Variants in MAGI2 observed in about 807,000 individuals in gnomAD.
The protein encoded by MAGI2 is membrane-associated guanylate kinase, WW and PDZ domain-containing protein 2.
In MAGI2, 35 loss-of-function variants were observed where a neutral mutation model predicts 133.3. That is an observed-to-expected ratio of 0.26 (90% confidence interval 0.20 to 0.35). The LOEUF (loss-of-function observed/expected upper bound fraction) is 0.35. MAGI2 is among the 10% of genes least tolerant of loss of function. The pLI is 1.00. For missense variants in MAGI2, 1,636 were observed against 1,863.4 expected (o/e 0.88, Z 2.25); for synonymous variants, 729 against 710.6 (o/e 1.03, Z -0.41).
chr7:78,298,232 G>A (rs1797485140), intron 9 of MAGI2, among the ~76,000 whole-genome samples: 1 of 152,044 alleles, frequency 6.6e-6, no homozygotes. Context: ...AACAAGAAAA[G>A]TCTAAAAAAC....
chr7:78,630,307 C>T (rs1584902597), intron 2 of MAGI2, among the ~76,000 whole-genome samples: 1 of 151,852 alleles, frequency 6.6e-6, no homozygotes, highest in Admixed American at 6.6e-5. Context: ...TTCCATTCTT[C>T]TAACGGAACA....
At chr7:78,673,160 T>C (rs1183832292) in intron 2 of MAGI2, among the ~76,000 whole-genome samples, 1 of 152,212 alleles carries the variant, frequency 6.6e-6, no homozygotes, top group African/African-American at 2.4e-5. Flanking sequence ...TCAGCATCTT[T>C]ATAATTGGTG....
At chr7:78,761,229 C>T (rs779011349) in intron 2 of MAGI2, among the ~76,000 whole-genome samples, 1 of 152,178 alleles carries the variant, frequency 6.6e-6, no homozygotes, top group Non-Finnish European at 1.5e-5. Context: ...AGCGTCATTT[C>T]CCTCTCTTTC....
chr7:78,174,909 C>T (rs967047286), intron 14 of MAGI2, among the ~76,000 whole-genome samples: 1 of 152,174 alleles, frequency 6.6e-6, no homozygotes, highest in Non-Finnish European at 1.5e-5. Flanking sequence ...GACACCAAAG[C>T]TTGGGTGAGC....
At chr7:78,271,078 A>G (rs1194482777) in intron 9 of MAGI2, among the ~76,000 whole-genome samples, 2 of 152,028 alleles carry the variant, frequency 1.3e-5, no homozygotes, top group African/African-American at 2.4e-5. Flanking sequence ...GTTTTTTCCT[A>G]TATCAGTATG....
intron 10 of MAGI2, among the ~76,000 whole-genome samples, chr7:78,219,038 G>T (rs1788544587): frequency 6.6e-6 from 1 of 152,070 alleles, no homozygotes; most frequent in African/African-American, 2.4e-5. Flanking sequence ...GTCTCTAATG[G>T]CTGCTCTGGC....
intron 1 of MAGI2, among the ~76,000 whole-genome samples, chr7:79,053,883 T>G (rs1812902796): frequency 6.6e-6 from 1 of 152,174 alleles, no homozygotes; most frequent in Admixed American, 6.5e-5. Flanking sequence ...TCTGAACTTG[T>G]TTGAATTTTT....
chr7:78,168,976 A>T (rs1035812827), intron 14 of MAGI2, among the ~76,000 whole-genome samples: 1 of 152,232 alleles, frequency 6.6e-6, no homozygotes, highest in Non-Finnish European at 1.5e-5. Context: ...ACTGTCCTCT[A>T]CGCAAAGGAC....
At position 78,451,678 on chromosome 7, in the gene MAGI2, G is replaced by T. The variant is rs182869434; in HGVS notation, c.1045+38083C>A. Among the ~76,000 whole-genome samples the T allele has an allele frequency of 2.6e-5, 4 of 152,192 alleles. No homozygotes were observed. The East Asian group carries it at 7.7e-4, about 29-fold the overall frequency. On this transcript the variant is annotated intron_variant, in intron 6 of 21. Coordinates refer to ENST00000354212, the MANE Select transcript of MAGI2 (RefSeq NM_012301.4). ...CCAGCCTCACAGAGATTTGTTGTGAGGATTAAATGAGTTTCTGCATAAAGC... is the reference window on the plus strand; with the variant it reads ...CCAGCCTCACAGAGATTTGTTGTGATGATTAAATGAGTTTCTGCATAAAGC...
In MAGI2 at chr7:78,451,957, C is replaced by T. The variant is rs113289204; in HGVS notation, c.1045+37804G>A. Among the ~76,000 whole-genome samples the T allele has an allele frequency of 7.1e-3, 1,078 of 152,206 alleles. 7 individuals are homozygous for T. The highest frequency in any genetic ancestry group is 0.025 in the African/African-American group (1,041 of 41,530). On this transcript the variant is annotated intron_variant, in intron 6 of 21. Transcript: ENST00000354212. The stretch of plus-strand genomic sequence containing the variant: ...AAAAATATTTCACAATGGAGAATCA[C>T]ATCTATCACACGATCTTGACTTCAA...
rs144722440 is a variant in MAGI2, at chr7:78,541,379, C to T, written c.539-19734G>A. Reference sequence around the variant, plus strand: ...GTCTGCAAAGCCCTAAATTTTGGCTCCTCAAAAGGAGCCATTTATCATTAA... The same window carrying T: ...GTCTGCAAAGCCCTAAATTTTGGCTTCTCAAAAGGAGCCATTTATCATTAA... On this transcript the variant is annotated intron_variant, in intron 3 of 21. Coordinates refer to ENST00000354212, the MANE Select transcript of MAGI2 (RefSeq NM_012301.4). Among the ~76,000 whole-genome samples, 466 of 152,254 alleles carry T rather than the reference C, an allele frequency of 3.1e-3. 4 individuals are homozygous for T. The highest frequency in any genetic ancestry group is 0.011 in the African/African-American group (448 of 41,524).
At chr7:78,803,202 TAACAG>T (rs1176639340) in intron 2 of MAGI2, among the ~76,000 whole-genome samples, 3 of 152,174 alleles carry the variant, frequency 2.0e-5, no homozygotes, top group Non-Finnish European at 4.4e-5. Context: ...AAGGTTGCAA[TAACAG>T]ATGTCAGGAA....
At chr7:79,395,613 A>C (rs1188211073) in intron 1 of MAGI2, among the ~76,000 whole-genome samples, 2 of 152,184 alleles carry the variant, frequency 1.3e-5, no homozygotes, top group African/African-American at 4.8e-5. Flanking sequence ...CATCTCTAAA[A>C]GTTTATGTTC....
chr7:78,855,603 C>G (rs879711812), intron 2 of MAGI2, among the ~76,000 whole-genome samples: 20 of 152,306 alleles, frequency 1.3e-4, no homozygotes, highest in Middle Eastern at 3.4e-3. Context: ...TTTATGGCTG[C>G]ATAGTATTCC....
intron 15 of MAGI2, among the ~76,000 whole-genome samples, chr7:78,163,423 G>A (rs550377163): frequency 3.7e-4 from 57 of 152,240 alleles, no homozygotes; most frequent in African/African-American, 1.3e-3. Context: ...ACAGGCGTGA[G>A]CCACCGTGCC....
intron 3 of MAGI2, among the ~76,000 whole-genome samples, chr7:78,578,128 T>C (rs926126289): frequency 2.6e-5 from 4 of 152,054 alleles, no homozygotes. Flanking sequence ...AGGATATAAT[T>C]ATATTTTTGG....
At chr7:78,756,741 T>G (rs1823984631) in intron 2 of MAGI2, among the ~76,000 whole-genome samples, 1 of 152,166 alleles carries the variant, frequency 6.6e-6, no homozygotes, top group Non-Finnish European at 1.5e-5. Flanking sequence ...TGCTGATCTC[T>G]CATCACACTC....
chr7:78,860,610 C>T (rs774298476), intron 2 of MAGI2, among the ~76,000 whole-genome samples: 5 of 152,118 alleles, frequency 3.3e-5, no homozygotes, highest in African/African-American at 9.7e-5. Flanking sequence ...CTGGAAGCTT[C>T]GTCTCAGAGG....
intron 1 of MAGI2, among the ~76,000 whole-genome samples, chr7:79,152,936 T>G (rs189416289): frequency 4.3e-4 from 65 of 152,320 alleles, no homozygotes; most frequent in African/African-American, 1.5e-3. Flanking sequence ...TTGTAATTTT[T>G]AAAATCTCCA....
Sources: gnomAD v4.1 joint callset for allele counts (sites outside exome capture counted in the v4.1 genomes callset) on GRCh38, gnomAD v4.1.1 for gene constraint, MANE v1.5 for transcripts, NCBI Gene and HGNC (gene_info 2026-07-23, HGNC 2026-07-21) for gene names.